Variants in RBFOX1 observed in about 807,000 individuals in gnomAD.
RBFOX1 encodes the protein RNA binding fox-1 homolog 1.
In RBFOX1, 8 loss-of-function variants were observed where a neutral mutation model predicts 57.7. The ratio of observed to expected loss-of-function variants is 0.14; its 90% CI spans 0.08 to 0.25. The LOEUF is 0.25. Ranked by LOEUF, RBFOX1 falls within the 10% of genes least tolerant of loss-of-function variation. The pLI is 1.00. For synonymous variants in RBFOX1, 326 were observed against 222.4 expected (o/e 1.47, Z -4.15); for missense variants, 611 against 548.5 (o/e 1.11, Z -1.14).
chr16:6,978,153 C>T (rs2087625213), intron 3 of RBFOX1, among the ~76,000 whole-genome samples: 1 of 152,052 alleles, frequency 6.6e-6, no homozygotes, highest in East Asian at 1.9e-4. Context: ...GCCCTGGGCC[C>T]CATGGCATAC....
At chr16:6,007,772 C>G (rs1298272541) in intron 4 of RBFOX1, among the ~76,000 whole-genome samples, 1 of 151,952 alleles carries the variant, frequency 6.6e-6, no homozygotes, top group African/African-American at 2.4e-5. Flanking sequence ...GTGTTTTGAG[C>G]TGGAGATATG....
rs138202419 is a variant in RBFOX1 at position 5,824,918 on chromosome 16, A to T, written c.319-42385A>T. ...CTCCAGTGACATAACTAGATGTTTC[A>T]TACTGGCTTGTGAGTGGGCTCTGTC... On this transcript the variant is annotated intron_variant, in intron 3 of 19. Coordinates refer to the RBFOX1 transcript ENST00000641259. 1.5e-3 allele frequency among the ~76,000 whole-genome samples: 226 copies of T among 152,288 alleles called. 2 individuals carry two copies. The highest frequency in any genetic ancestry group is 5.1e-3 in the African/African-American group (212 of 41,556).
At chr16:7,228,336 G>C (rs973761321) in intron 4 of RBFOX1, among the ~76,000 whole-genome samples, 1 of 151,978 alleles carries the variant, frequency 6.6e-6, no homozygotes, top group Non-Finnish European at 1.5e-5. Context: ...GAAAATCAAG[G>C]GTTCCTTTTT....
chr16:6,214,760 AGAAG>A (rs1224606983), intron 1 of RBFOX1, among the ~76,000 whole-genome samples: 5 of 94,566 alleles, frequency 5.3e-5, no homozygotes, highest in Non-Finnish European at 8.3e-5. Flanking sequence ...AAGGGGAGAG[AGAAG>A]GAGAGAGAGA....
intron 3 of RBFOX1, among the ~76,000 whole-genome samples, chr16:6,866,637 G>C (rs1271540330): frequency 7.1e-6 from 1 of 140,344 alleles, no homozygotes; most frequent in East Asian, 2.3e-4. Flanking sequence ...CGCCTCCCCG[G>C]TTCACGCCAT....
chr16:6,084,702 A>G (rs1379803800), intron 1 of RBFOX1, among the ~76,000 whole-genome samples: 1 of 152,128 alleles, frequency 6.6e-6, no homozygotes, highest in South Asian at 2.1e-4. Context: ...TTCCTTGGTT[A>G]GGAGATAAGG....
At chr16:7,458,785 TTC>T (rs2059015957) in intron 4 of RBFOX1, among the ~76,000 whole-genome samples, 1 of 152,182 alleles carries the variant, frequency 6.6e-6, no homozygotes, top group African/African-American at 2.4e-5. Context: ...AGACCCCCTC[TTC>T]ACTCCCACAC....
rs114435445 is a variant in RBFOX1 at position 7,131,893 on chromosome 16, G to A, written c.27+79795G>A. 4.2e-3 allele frequency among the ~76,000 whole-genome samples: 638 copies of A among 152,164 alleles called. 6 individuals are homozygous for A. The highest frequency in any genetic ancestry group is 0.015 in the African/African-American group (610 of 41,518). On this transcript the variant is annotated intron_variant, in intron 4 of 15. Transcript: ENST00000550418. ...GCACATCTTAGCTTCTAGGGGGTGA[G>A]AGGCTTCCCAGTATCTTAAAGAAGT...
At chr16:6,517,212 G>T (rs544014557) in intron 2 of RBFOX1, among the ~76,000 whole-genome samples, 1 of 152,226 alleles carries the variant, frequency 6.6e-6, no homozygotes, top group East Asian at 1.9e-4. Flanking sequence ...AGGGCGTGAT[G>T]ATATATGGCC....
At chr16:5,495,192 G>A (rs2042962931) in intron 2 of RBFOX1, among the ~76,000 whole-genome samples, 1 of 152,158 alleles carries the variant, frequency 6.6e-6, no homozygotes, top group African/African-American at 2.4e-5. Context: ...GGAGATCTAA[G>A]GTGTAATGAG....
At position 6,523,137 on chromosome 16, in the gene RBFOX1, G is replaced by A. The variant is rs9930927; in HGVS notation, c.-63-131466G>A. 2.9e-3 allele frequency among the ~76,000 whole-genome samples: 448 copies of A among 152,230 alleles called. 1 individual carries two copies. Among genetic ancestry groups the A allele is most frequent in the African/African-American group, 0.01 (435 of 41,544 alleles). On this transcript the variant is annotated intron_variant, in intron 2 of 15. Coordinates refer to ENST00000550418, the MANE Select transcript of RBFOX1 (RefSeq NM_018723.4). ...GTTCAATTGCCTTTTTCTGCCAACT[G>A]GAACGTAGGTAGCATGGGGTGACTG... is the stretch of plus-strand genomic sequence containing the variant.
intron 4 of RBFOX1, among the ~76,000 whole-genome samples, chr16:7,336,319 C>A (rs1186557571): frequency 6.6e-6 from 1 of 152,204 alleles, no homozygotes; most frequent in East Asian, 1.9e-4. Flanking sequence ...TGGACCCTCA[C>A]CCCTCAATCT....
intron 4 of RBFOX1, among the ~76,000 whole-genome samples, chr16:7,162,598 A>G (rs906022738): frequency 6.7e-6 from 1 of 149,370 alleles, no homozygotes; most frequent in Non-Finnish European, 1.5e-5. Flanking sequence ...ATTGCCAGGT[A>G]CGCGCCTGTA....
Position 7,084,871 on chromosome 16 carries a change from C to G in RBFOX1, c.27+32773C>G, listed in dbSNP as rs375054108. The stretch of plus-strand genomic sequence containing the variant: ...TCTGTCTTTCTGTCTATCTATCTAT[C>G]CATCTATCTATCTTCTATCCGTTTG... On this transcript the variant is annotated intron_variant, in intron 4 of 15. Coordinates refer to ENST00000550418, the MANE Select transcript of RBFOX1 (RefSeq NM_018723.4). Among the ~76,000 whole-genome samples, 184 of 152,224 alleles carry G rather than the reference C, an allele frequency of 1.2e-3. 3 individuals carry two copies. In the South Asian group the frequency reaches 0.037, roughly 30 times the overall value.
chr16:5,494,925 C>T (rs1487195773), intron 2 of RBFOX1, among the ~76,000 whole-genome samples: 1 of 152,238 alleles, frequency 6.6e-6, no homozygotes, highest in Middle Eastern at 3.4e-3. Context: ...TGTTTTGGCT[C>T]CTGTAAGTGA....
chr16:6,137,733 C>T (rs2096678327), intron 1 of RBFOX1, among the ~76,000 whole-genome samples: 1 of 150,828 alleles, frequency 6.6e-6, no homozygotes, highest in South Asian at 2.1e-4. Flanking sequence ...GCCACCTCAG[C>T]CTCTCAAGTA....
chr16:6,999,435 A>C lies in RBFOX1; in HGVS notation c.-15-52622A>C, dbSNP rs2092595102. On this transcript the variant is annotated intron_variant, in intron 3 of 15. Coordinates refer to ENST00000550418, the MANE Select transcript of RBFOX1 (RefSeq NM_018723.4). ...ACTTAAACTCATTCTGATTTTTTTT[A>C]ATTTTTATTTTTTATTTGAGACGGA... Among the ~76,000 whole-genome samples the C allele has an allele frequency of 2.0e-5, 3 of 149,278 alleles. 1 individual carries two copies. Among genetic ancestry groups the C allele is most frequent in the Admixed American group, 2.0e-4 (3 of 14,960 alleles).
At chr16:7,595,210 T>A (rs2094624821) in intron 7 of RBFOX1, among the ~76,000 whole-genome samples, 1 of 152,240 alleles carries the variant, frequency 6.6e-6, no homozygotes, top group African/African-American at 2.4e-5. Flanking sequence ...CCTCATTATT[T>A]CATTTTATTC....
At chr16:6,062,719 A>G (rs946632756) in intron 1 of RBFOX1, among the ~76,000 whole-genome samples, 1 of 151,710 alleles carries the variant, frequency 6.6e-6, no homozygotes, top group Admixed American at 6.6e-5. Context: ...AGTTACATTT[A>G]TATCACTATC....
Sources: gnomAD v4.1 joint callset for allele counts (sites outside exome capture counted in the v4.1 genomes callset) on GRCh38, gnomAD v4.1.1 for gene constraint, MANE v1.5 for transcripts, NCBI Gene and HGNC (gene_info 2026-07-23, HGNC 2026-07-21) for gene names.